Variants in TENM1 observed in about 807,000 individuals in gnomAD.
TENM1 encodes teneurin-1.
In TENM1, 35 loss-of-function variants were observed where a neutral mutation model predicts 174.8. That is an observed-to-expected ratio of 0.20 (90% CI 0.15 to 0.27). The LOEUF (loss-of-function observed/expected upper bound fraction) is 0.27, where lower values mean the gene tolerates loss of function less well. Among genes scored for constraint, TENM1 ranks in the 10% least tolerant of loss-of-function variants. The pLI is 1.00. For missense variants in TENM1, 1,633 were observed against 2,130.1 expected, an observed-to-expected ratio of 0.77 and a Z score of 4.59; for synonymous variants, 781 against 798.7, an observed-to-expected ratio of 0.98 and a Z score of 0.37.
chrX:124,566,005 A>G (rs1291864838), intron 11 of TENM1, among the ~76,000 whole-genome samples: 1 of 111,893 alleles, frequency 8.9e-6, no homozygotes, highest in Non-Finnish European at 1.9e-5. Flanking sequence ...AATGAGATTA[A>G]TGACAAACAA....
intron 3 of TENM1, among the ~76,000 whole-genome samples, chrX:124,891,609 C>T (rs1468488395): frequency 7.5e-5 from 8 of 107,142 alleles, no homozygotes; most frequent in Admixed American, 3.0e-4. Context: ...CAGTGAGCCA[C>T]GATCGCACCA....
chrX:125,015,453 C>T, the TENM1 span, among the ~76,000 whole-genome samples: 3 of 111,638 alleles, frequency 2.7e-5, no homozygotes, highest in East Asian at 8.5e-4. Flanking sequence ...CTATGTTTCC[C>T]ACTACCTCTT....
At chrX:124,476,019 G>A (rs2046716092) in intron 22 of TENM1, among the ~76,000 whole-genome samples, 1 of 111,440 alleles carries the variant, frequency 9.0e-6, no homozygotes. Context: ...CCGTAATTTT[G>A]TTGAGGGCTG....
intron 5 of TENM1, among the ~76,000 whole-genome samples, chrX:124,675,684 T>C: frequency 9.5e-6 from 1 of 105,699 alleles, no homozygotes; most frequent in Non-Finnish European, 1.9e-5. Context: ...GAGAGGGTAG[T>C]GGGTTAAGAC....
chrX:124,495,286 T>A (rs1301254352), intron 20 of TENM1, among the ~76,000 whole-genome samples: 1 of 108,672 alleles, frequency 9.2e-6, no homozygotes, highest in Non-Finnish European at 1.9e-5. Flanking sequence ...TTTTTTCATG[T>A]GTTTTTTGGC....
At chrX:124,532,733 C>T (rs1431543883) in intron 15 of TENM1, among the ~76,000 whole-genome samples, 1 of 111,562 alleles carries the variant, frequency 9.0e-6, no homozygotes, top group Non-Finnish European at 1.9e-5. Flanking sequence ...TGATAAAACC[C>T]CATAAAACTT....
At chrX:124,433,083 A>G (rs900188309) in intron 23 of TENM1, among the ~76,000 whole-genome samples, 1 of 111,910 alleles carries the variant, frequency 8.9e-6, no homozygotes, top group Non-Finnish European at 1.9e-5. Context: ...TCTCAGCCCT[A>G]AACCACACAT....
chrX:124,535,394 T>C (rs2048185883), intron 15 of TENM1, among the ~76,000 whole-genome samples: 1 of 111,409 alleles, frequency 9.0e-6, no homozygotes, highest in Non-Finnish European at 1.9e-5. Flanking sequence ...CTGTCAGGCA[T>C]GAATTTTAAC....
chrX:124,802,045 G>A (rs2055467412), intron 3 of TENM1, among the ~76,000 whole-genome samples: 1 of 110,867 alleles, frequency 9.0e-6, no homozygotes, highest in Non-Finnish European at 1.9e-5. Context: ...CTTTGCATTG[G>A]GTTAGAACAT....
At chrX:125,070,040 A>T in the TENM1 span, among the ~76,000 whole-genome samples, 1 of 110,167 alleles carries the variant, frequency 9.1e-6, no homozygotes, top group Non-Finnish European at 1.9e-5. Flanking sequence ...AAATTTTAAA[A>T]ATTAGCTGGG....
chrX:124,880,882 C>T (rs1341949437), intron 3 of TENM1, among the ~76,000 whole-genome samples: 1 of 111,760 alleles, frequency 8.9e-6, no homozygotes, highest in Non-Finnish European at 1.9e-5. Context: ...TGGGATAAAT[C>T]CCACTGAATC....
chrX:124,567,964 C>G (rs2858437), intron 11 of TENM1, among the ~76,000 whole-genome samples: 25,733 of 111,174 alleles, frequency 0.23, 2,225 homozygotes, highest in South Asian at 0.38. Flanking sequence ...AACTATAAAT[C>G]TTAGGCATAG....
chrX:125,058,942 C>T, the TENM1 span, among the ~76,000 whole-genome samples: 2 of 109,762 alleles, frequency 1.8e-5, no homozygotes, highest in Non-Finnish European at 3.8e-5. Flanking sequence ...TTTACATAGT[C>T]GTGCAACCAT....
chrX:124,896,294 C>A, intron 1 of TENM1, 53 bp from the exon 5 acceptor site: 1 of 1,144,699 alleles, frequency 8.7e-7, no homozygotes, highest in Non-Finnish European at 1.2e-6. Flanking sequence ...AGAAATCCCC[C>A]AGAAAATTCT....
chrX:124,637,724 C>G (rs1376547203), intron 11 of TENM1, among the ~76,000 whole-genome samples: 1 of 111,837 alleles, frequency 8.9e-6, no homozygotes, highest in African/African-American at 3.3e-5. Context: ...ACTCTTTGCA[C>G]ATTGTATCTC....
chrX:125,191,062 GC>G, the TENM1 span, among the ~76,000 whole-genome samples: 1 of 110,986 alleles, frequency 9.0e-6, no homozygotes, highest in African/African-American at 3.3e-5. Flanking sequence ...CATAGCATTT[GC>G]CTTGTTGAAC....
At chrX:124,460,728 A>G (rs1359966493) in intron 22 of TENM1, among the ~76,000 whole-genome samples, 1 of 104,108 alleles carries the variant, frequency 9.6e-6, no homozygotes, top group Admixed American at 1.0e-4. Context: ...CCTGAACTTA[A>G]AGTAGAAGTT....
intron 22 of TENM1, among the ~76,000 whole-genome samples, chrX:124,455,001 T>C (rs2884138): frequency 0.3 from 33,354 of 111,224 alleles, 5,301 homozygotes; most frequent in African/African-American, 0.62. Flanking sequence ...TGTGAACTCA[T>C]CTAGAGTCAT....
intron 3 of TENM1, among the ~76,000 whole-genome samples, chrX:124,888,127 T>C (rs1000603936): frequency 1.1e-4 from 12 of 111,658 alleles, no homozygotes; most frequent in African/African-American, 3.9e-4. Flanking sequence ...AGCGGTTTCC[T>C]TGAATGAATT....
Sources: allele counts gnomAD v4.1 joint callset (sites outside exome capture counted in the v4.1 genomes callset), GRCh38; gene constraint gnomAD v4.1.1; transcripts MANE v1.5; gene names NCBI Gene and HGNC (gene_info 2026-07-23, HGNC 2026-07-21).